The following ZC3H12B variants were observed in gnomAD, a reference collection of about 807,000 sequenced individuals.
The protein encoded by ZC3H12B is probable ribonuclease ZC3H12B.
A neutral mutation model predicts 43.9 loss-of-function variants in ZC3H12B; 7 were observed. The observed-to-expected ratio is 0.16, with a 90% CI of 0.09 to 0.30. ZC3H12B has a LOEUF of 0.30. Ranked by LOEUF, ZC3H12B falls within the 10% of genes least tolerant of loss-of-function variation. The pLI is 1.00. For synonymous variants in ZC3H12B, 222 were observed against 241.7 expected (o/e 0.92, Z 0.76); for missense variants, 475 against 670.2 (o/e 0.71, Z 3.22).
the ZC3H12B span, among the ~76,000 whole-genome samples, chrX:65,234,028 T>G: frequency 1.8e-5 from 2 of 111,316 alleles, no homozygotes; most frequent in Non-Finnish European, 3.8e-5. Flanking sequence ...AAGTACAGTA[T>G]TACCCTGATG....
At chrX:65,316,888 T>C in the ZC3H12B span, among the ~76,000 whole-genome samples, 2 of 111,641 alleles carry the variant, frequency 1.8e-5, no homozygotes, top group African/African-American at 6.5e-5. Flanking sequence ...GGTTATACTG[T>C]CTTCAAGAGA....
the ZC3H12B span, among the ~76,000 whole-genome samples, chrX:65,262,339 C>T: frequency 0.083 from 9,151 of 110,157 alleles, 1,024 homozygotes; most frequent in African/African-American, 0.29. Flanking sequence ...GGAAGGAAGT[C>T]GATATTGTCT....
chrX:65,080,350 A>T, the ZC3H12B span, among the ~76,000 whole-genome samples: 3 of 110,962 alleles, frequency 2.7e-5, no homozygotes, highest in Non-Finnish European at 5.7e-5. Context: ...AAACCTAGAA[A>T]AAGATATTAA....
chrX:65,067,121 C>G, the ZC3H12B span, among the ~76,000 whole-genome samples: 1 of 110,203 alleles, frequency 9.1e-6, no homozygotes, highest in Non-Finnish European at 1.9e-5. Context: ...GACTCCCTGG[C>G]TTCAGCCCCC....
the ZC3H12B span, among the ~76,000 whole-genome samples, chrX:65,221,921 C>A: frequency 9.0e-6 from 1 of 111,028 alleles, no homozygotes; most frequent in Non-Finnish European, 1.9e-5. Flanking sequence ...ACCAATATTC[C>A]TGATGAACAT....
chrX:65,157,927 C>CTT, the ZC3H12B span, among the ~76,000 whole-genome samples: 1 of 71,712 alleles, frequency 1.4e-5, no homozygotes, highest in Non-Finnish European at 2.7e-5. Context: ...CCCCCCTCCC[C>CTT]CCACCCCACA....
the ZC3H12B span, among the ~76,000 whole-genome samples, chrX:65,189,553 A>G: frequency 2.8e-5 from 3 of 108,380 alleles, no homozygotes; most frequent in African/African-American, 6.9e-5. Flanking sequence ...ACCAGTGATG[A>G]TGAGCATTTT....
chrX:65,471,217 A>G (rs1340185837), intron 3 of ZC3H12B, among the ~76,000 whole-genome samples: 4 of 111,261 alleles, frequency 3.6e-5, no homozygotes, highest in East Asian at 2.8e-4. Context: ...AGCTAAGTAC[A>G]TATATCTTCT....
At chrX:65,213,395 T>A in the ZC3H12B span, among the ~76,000 whole-genome samples, 1 of 111,424 alleles carries the variant, frequency 9.0e-6, no homozygotes, top group African/African-American at 3.3e-5. Context: ...CTGTGAAAAT[T>A]TCTCATAACG....
chrX:65,337,375 T>C, the ZC3H12B span, among the ~76,000 whole-genome samples: 1 of 112,255 alleles, frequency 8.9e-6, no homozygotes, highest in Non-Finnish European at 1.9e-5. Flanking sequence ...AGCAAGTTTA[T>C]TAAGAAAGTA....
chrX:65,293,001 A>C, the ZC3H12B span, among the ~76,000 whole-genome samples: 1 of 112,354 alleles, frequency 8.9e-6, no homozygotes, highest in Admixed American at 9.4e-5. Flanking sequence ...ACAATAAAAT[A>C]ACAGAAAGCT....
At chrX:65,066,924 G>T in the ZC3H12B span, among the ~76,000 whole-genome samples, 3 of 111,737 alleles carry the variant, frequency 2.7e-5, no homozygotes, top group Admixed American at 9.5e-5. Flanking sequence ...CTTCCTGGTG[G>T]CTCTGTTTAC....
At chrX:65,089,278 A>G in the ZC3H12B span, among the ~76,000 whole-genome samples, 1 of 112,188 alleles carries the variant, frequency 8.9e-6, no homozygotes, top group African/African-American at 3.2e-5. Context: ...ACTATATGGT[A>G]TAGCCTATTG....
the ZC3H12B span, among the ~76,000 whole-genome samples, chrX:65,122,801 A>G: frequency 9.0e-6 from 1 of 111,642 alleles, no homozygotes; most frequent in African/African-American, 3.3e-5. Flanking sequence ...CCATTACATA[A>G]TGGTAAAGGG....
chrX:65,337,262 C>T, the ZC3H12B span, among the ~76,000 whole-genome samples: 5 of 111,752 alleles, frequency 4.5e-5, no homozygotes, highest in Non-Finnish European at 9.4e-5. Context: ...TGGGGTTCAT[C>T]AGAAAGATGT....
chrX:65,317,346 A>G, the ZC3H12B span, among the ~76,000 whole-genome samples: 1 of 110,806 alleles, frequency 9.0e-6, no homozygotes, highest in Non-Finnish European at 1.9e-5. Flanking sequence ...TGAACTGCAT[A>G]CAATTACATG....
intron 2 of ZC3H12B, among the ~76,000 whole-genome samples, chrX:65,380,386 A>C (rs997164880): frequency 4.5e-5 from 5 of 111,317 alleles, no homozygotes; most frequent in East Asian, 5.5e-4. Context: ...GAAATAAAAT[A>C]CTTTACAGAC....
chrX:65,226,340 C>G, the ZC3H12B span, among the ~76,000 whole-genome samples: 1 of 111,089 alleles, frequency 9.0e-6, no homozygotes. Context: ...TTGTCACCAC[C>G]AGGCCTGCCC....
the ZC3H12B span, among the ~76,000 whole-genome samples, chrX:65,058,156 C>T: frequency 1.8e-4 from 20 of 111,868 alleles, no homozygotes; most frequent in Non-Finnish European, 3.4e-4. Flanking sequence ...GGGAGAGGTG[C>T]TGTGATTTTT....
Sources: gnomAD v4.1 joint callset for allele counts (sites outside exome capture counted in the v4.1 genomes callset) on GRCh38, gnomAD v4.1.1 for gene constraint, MANE v1.5 for transcripts, NCBI Gene and HGNC (gene_info 2026-07-23, HGNC 2026-07-21) for gene names.